The following ARL15 variants were observed in gnomAD, a reference collection of about 807,000 sequenced individuals.
ARL15 encodes the protein ADP-ribosylation factor-like protein 15.
Under a neutral mutation model 25.2 loss-of-function variants are expected in ARL15, and 19 were observed. The ratio of observed to expected loss-of-function variants is 0.75; its 90% CI spans 0.53 to 1.10. ARL15 has a LOEUF of 1.10. Among genes scored for constraint, ARL15 ranks in the 50% least tolerant of loss-of-function variants. The probability of loss-of-function intolerance (pLI) is 0.00; values close to 1 mark genes in which losing one functional copy is unlikely to be tolerated. For synonymous variants in ARL15, 94 were observed against 86.8 expected (o/e 1.08, Z -0.46); for missense variants, 220 against 246.0 (o/e 0.89, Z 0.71).
At chr5:54,133,065 AG>A (rs1753485352) in intron 3 of ARL15, among the ~76,000 whole-genome samples, 1 of 152,254 alleles carries the variant, frequency 6.6e-6, no homozygotes, top group South Asian at 2.1e-4. Context: ...TTATGTATCA[AG>A]AGCCTTACGA....
chr5:54,093,976 GT>G (rs930678196), intron 4 of ARL15, among the ~76,000 whole-genome samples: 3 of 152,136 alleles, frequency 2.0e-5, no homozygotes, highest in Admixed American at 6.5e-5. Flanking sequence ...TTTCAGTGTG[GT>G]CTCAGAGTGA....
intron 4 of ARL15, among the ~76,000 whole-genome samples, chr5:54,032,891 C>A (rs1028880534): frequency 6.6e-6 from 1 of 152,076 alleles, no homozygotes; most frequent in Non-Finnish European, 1.5e-5. Flanking sequence ...GATTAACAGG[C>A]CACCTTGAAC....
intron 1 of ARL15, among the ~76,000 whole-genome samples, chr5:54,209,868 C>T (rs1398493646): frequency 2.0e-5 from 3 of 152,002 alleles, no homozygotes; most frequent in African/African-American, 4.8e-5. Flanking sequence ...CTATCTTCTC[C>T]CTCAAAGAAG....
chr5:53,976,108 C>T (rs779274779), intron 4 of ARL15, among the ~76,000 whole-genome samples: 8 of 152,120 alleles, frequency 5.3e-5, no homozygotes. Flanking sequence ...AGGCACCCTC[C>T]AGGTCCCAGA....
intron 4 of ARL15, among the ~76,000 whole-genome samples, chr5:54,065,299 G>A (rs2112045978): frequency 6.6e-6 from 1 of 152,148 alleles, no homozygotes; most frequent in East Asian, 1.9e-4. Flanking sequence ...ATATTGCTTA[G>A]AGCTATGCTA....
intron 4 of ARL15, among the ~76,000 whole-genome samples, chr5:54,079,190 C>T (rs535195400): frequency 1.6e-4 from 25 of 152,122 alleles, no homozygotes; most frequent in South Asian, 1.0e-3. Flanking sequence ...ATTTTTAGTT[C>T]CTGAAAATAA....
intron 1 of ARL15, among the ~76,000 whole-genome samples, chr5:54,176,618 G>A (rs902035668): frequency 2.6e-5 from 4 of 152,074 alleles, no homozygotes; most frequent in Non-Finnish European, 2.9e-5. Context: ...GACAGCAAGC[G>A]GCAAACTCAG....
At chr5:54,184,163 T>TG (rs1325848351) in intron 1 of ARL15, among the ~76,000 whole-genome samples, 1 of 124,176 alleles carries the variant, frequency 8.1e-6, no homozygotes, top group Non-Finnish European at 1.6e-5. Context: ...GACGAATTAA[T>TG]GGGTGCAGCA....
At chr5:54,006,028 C>T (rs1171328667) in intron 4 of ARL15, among the ~76,000 whole-genome samples, 1 of 96,570 alleles carries the variant, frequency 1.0e-5, no homozygotes, top group African/African-American at 4.3e-5. Context: ...CTAACCTGGG[C>T]AACAAGAGTG....
chr5:54,037,823 T>C (rs1046261247), intron 4 of ARL15, among the ~76,000 whole-genome samples: 5 of 152,130 alleles, frequency 3.3e-5, no homozygotes, highest in African/African-American at 1.2e-4. Context: ...CATCATAGTA[T>C]GCTAACAAGC....
At position 54,229,483 on chromosome 5, in the gene ARL15, G is replaced by A. The variant is rs549616994; in HGVS notation, c.49-57555C>T. On this transcript the variant is annotated intron_variant, in intron 1 of 4. Coordinates refer to ENST00000504924, the MANE Select transcript of ARL15 (RefSeq NM_019087.3). ...AGAATTTGCTGTAGTGGAGTATTAC[G>A]AAGATCTGGTATAAAATGAAATAAA... is the stretch of plus-strand genomic sequence containing the variant. Among the ~76,000 whole-genome samples, 4 of 152,214 alleles carry A rather than the reference G, an allele frequency of 2.6e-5. No homozygotes were observed. The South Asian group carries it at 6.2e-4, about 24-fold the overall frequency.
intron 1 of ARL15, among the ~76,000 whole-genome samples, chr5:54,238,412 A>G (rs1756865646): frequency 6.6e-6 from 1 of 152,172 alleles, no homozygotes; most frequent in African/African-American, 2.4e-5. Flanking sequence ...AACCGTTGGA[A>G]CCCTGAGGAA....
At chr5:54,297,291 C>A (rs1758491648) in intron 1 of ARL15, among the ~76,000 whole-genome samples, 1 of 152,214 alleles carries the variant, frequency 6.6e-6, no homozygotes, top group Non-Finnish European at 1.5e-5. Flanking sequence ...GGATTGAGTC[C>A]TGCCAGCTTC....
At chr5:53,904,356 T>C (rs1745170361) in intron 4 of ARL15, among the ~76,000 whole-genome samples, 2 of 152,202 alleles carry the variant, frequency 1.3e-5, no homozygotes, top group South Asian at 4.1e-4. Flanking sequence ...TATTATTAAG[T>C]AGTATAAGTA....
At chr5:54,015,032 C>T (rs1478321106) in intron 4 of ARL15, among the ~76,000 whole-genome samples, 1 of 151,988 alleles carries the variant, frequency 6.6e-6, no homozygotes, top group African/African-American at 2.4e-5. Flanking sequence ...GTGGCTCACA[C>T]CTATAATCCC....
chr5:54,203,728 T>C (rs1241914338), intron 1 of ARL15, among the ~76,000 whole-genome samples: 1 of 152,214 alleles, frequency 6.6e-6, no homozygotes, highest in Non-Finnish European at 1.5e-5. Flanking sequence ...CAGCTAGTAC[T>C]ATTCCATACA....
chr5:53,917,604 A>G (rs1261292420), intron 4 of ARL15, among the ~76,000 whole-genome samples: 1 of 152,230 alleles, frequency 6.6e-6, no homozygotes, highest in African/African-American at 2.4e-5. Context: ...CACATCAGAA[A>G]ATAGATCTCT....
intron 4 of ARL15, among the ~76,000 whole-genome samples, chr5:53,989,794 T>A (rs1002136944): frequency 6.6e-6 from 1 of 152,184 alleles, no homozygotes; most frequent in Non-Finnish European, 1.5e-5. Context: ...CAGAATAGTG[T>A]GAATTAATTA....
intron 1 of ARL15, among the ~76,000 whole-genome samples, chr5:54,298,925 A>G (rs977987102): frequency 2.0e-5 from 3 of 149,472 alleles, no homozygotes; most frequent in Non-Finnish European, 3.0e-5. Context: ...TTGTTTTGAG[A>G]TGAGGTCTTG....
Sources: allele counts gnomAD v4.1 joint callset (sites outside exome capture counted in the v4.1 genomes callset), GRCh38; gene constraint gnomAD v4.1.1; transcripts MANE v1.5; gene names NCBI Gene and HGNC (gene_info 2026-07-23, HGNC 2026-07-21).